The following POLN variants were observed in gnomAD, a reference collection of about 807,000 sequenced individuals.
The protein encoded by POLN is DNA polymerase nu.
In POLN, 108 loss-of-function variants were observed where a neutral mutation model predicts 113.5. The ratio of observed to expected loss-of-function variants is 0.95; its 90% CI spans 0.81 to 1.12. POLN has a LOEUF of 1.12. Among genes scored for constraint, POLN ranks in the 50% most tolerant of loss-of-function variants. The pLI, the probability that POLN is intolerant of heterozygous loss-of-function variation, is 0.00. For synonymous variants in POLN, 386 were observed against 391.5 expected (o/e 0.99, Z 0.17); for missense variants, 1,097 against 1,077.1 (o/e 1.02, Z -0.26).
At chr4:2,123,230 T>G (rs1054569869) in intron 19 of POLN, among the ~76,000 whole-genome samples, 5 of 152,316 alleles carry the variant, frequency 3.3e-5, no homozygotes, top group Middle Eastern at 3.4e-3. Flanking sequence ...GGTTCACACC[T>G]GTAATCTCAG....
chr4:2,101,861 T>C (rs1730934672), intron 19 of POLN, among the ~76,000 whole-genome samples: 1 of 152,174 alleles, frequency 6.6e-6, no homozygotes, highest in African/African-American at 2.4e-5. Context: ...CGAGAGTAGC[T>C]GTGGAGGCTT....
intron 1 of POLN, 91 bp downstream of exon 1, chr4:2,241,960 A>G: frequency 1.0e-6 from 1 of 985,230 alleles, no homozygotes; most frequent in Non-Finnish European, 1.2e-6. Flanking sequence ...GAGCGCAGGA[A>G]AAAAAAGAGG....
At chr4:2,122,608 G>A (rs1731471254) in intron 19 of POLN, among the ~76,000 whole-genome samples, 3 of 152,156 alleles carry the variant, frequency 2.0e-5, no homozygotes, top group African/African-American at 7.2e-5. Flanking sequence ...AGAATGCAGA[G>A]AAACTTGAAC....
intron 18 of POLN, among the ~76,000 whole-genome samples, chr4:2,128,503 C>T (rs894430576): frequency 6.6e-6 from 1 of 152,098 alleles, no homozygotes; most frequent in Non-Finnish European, 1.5e-5. Context: ...TTATAGGCCC[C>T]ATCAACAAAG....
At chr4:2,207,273 A>C (rs1733869099) in intron 5 of POLN, among the ~76,000 whole-genome samples, 1 of 152,098 alleles carries the variant, frequency 6.6e-6, no homozygotes, top group East Asian at 1.9e-4. Flanking sequence ...GGGGTGAGGG[A>C]TAAAATACTA....
chr4:2,228,961 A>C (rs1022350722), intron 3 of POLN, 138 bp downstream of exon 3: 7 of 733,988 alleles, frequency 9.5e-6, no homozygotes, highest in Non-Finnish European at 1.5e-5. Flanking sequence ...GCAGAAGCTC[A>C]GTCTGCACTG....
At chr4:2,148,790 T>C (rs761204948) in intron 16 of POLN, among the ~76,000 whole-genome samples, 1 of 152,012 alleles carries the variant, frequency 6.6e-6, no homozygotes, top group African/African-American at 2.4e-5. Flanking sequence ...TGATACTATA[T>C]CATAATCAAA....
chr4:2,128,259 T>A, intron 18 of POLN, 32 bp from the exon 19 acceptor site: 1 of 1,443,196 alleles, frequency 6.9e-7, no homozygotes. Flanking sequence ...TAATTTAGAG[T>A]TTGCCAGCAA....
chr4:2,081,116 G>A (rs757513145), intron 22 of POLN, 80 bp from the exon 23 acceptor site: 7 of 1,608,104 alleles, frequency 4.4e-6, no homozygotes, highest in South Asian at 1.1e-5. Context: ...CATCGCCACA[G>A]CTCTCACGGT....
intron 2 of POLN, chr4:2,236,336 T>C (rs1483013227): frequency 6.2e-7 from 1 of 1,613,044 alleles, no homozygotes; most frequent in Non-Finnish European, 8.5e-7. Flanking sequence ...GAGCAGATAC[T>C]GCCAACTGAT....
intron 13 of POLN, among the ~76,000 whole-genome samples, chr4:2,165,082 G>A (rs1376611811): frequency 1.3e-5 from 2 of 152,126 alleles, no homozygotes; most frequent in African/African-American, 2.4e-5. Flanking sequence ...TTTGGTGCTT[G>A]CCCAGATAAG....
chr4:2,151,970 T>G (rs1440641129), intron 16 of POLN, among the ~76,000 whole-genome samples: 2 of 152,060 alleles, frequency 1.3e-5, no homozygotes, highest in Non-Finnish European at 2.9e-5. Flanking sequence ...TGTGAGAAAA[T>G]TAGCTTTCTG....
chr4:2,236,158 TTTTC>T (rs1734756075), intron 2 of POLN: 6 of 886,248 alleles, frequency 6.8e-6, no homozygotes, highest in South Asian at 6.5e-5. Flanking sequence ...CATGTTAACA[TTTTC>T]TTTAATATCT....
At chr4:2,168,814 C>T (rs551140507) in intron 13 of POLN, among the ~76,000 whole-genome samples, 5 of 152,192 alleles carry the variant, frequency 3.3e-5, no homozygotes, top group Admixed American at 3.3e-4. Context: ...CAGTGCTCCA[C>T]GAACACACCA....
At chr4:2,077,423 T>G (rs555083710) in intron 23 of POLN, among the ~76,000 whole-genome samples, 3 of 152,262 alleles carry the variant, frequency 2.0e-5, no homozygotes, top group Admixed American at 2.0e-4. Flanking sequence ...ACACTGGTGC[T>G]CACACCCTCG....
chr4:2,206,476 A>G (rs1171931334), intron 5 of POLN, among the ~76,000 whole-genome samples: 1 of 152,234 alleles, frequency 6.6e-6, no homozygotes, highest in East Asian at 1.9e-4. Context: ...ACAGGGTGGG[A>G]GAAAATTTTC....
intron 20 of POLN, among the ~76,000 whole-genome samples, chr4:2,086,597 C>T (rs1388088142): frequency 6.6e-6 from 1 of 152,176 alleles, no homozygotes; most frequent in East Asian, 1.9e-4. Flanking sequence ...TCATTCCCTC[C>T]CATTTTCCTC....
intron 16 of POLN, among the ~76,000 whole-genome samples, chr4:2,137,660 G>A (rs1394108481): frequency 6.6e-6 from 1 of 151,954 alleles, no homozygotes; most frequent in East Asian, 1.9e-4. Flanking sequence ...CTGCTCAGCT[G>A]CCCCCTCCCC....
intron 1 of POLN, 92 bp from the exon 2 acceptor site, chr4:2,241,882 G>A: frequency 1.0e-6 from 1 of 985,454 alleles, no homozygotes; most frequent in Non-Finnish European, 1.2e-6. Context: ...CCCCGCCCCA[G>A]CTCCTCGCCC....
Sources: allele counts gnomAD v4.1 joint callset (sites outside exome capture counted in the v4.1 genomes callset), GRCh38; gene constraint gnomAD v4.1.1; transcripts MANE v1.5; gene names NCBI Gene and HGNC (gene_info 2026-07-23, HGNC 2026-07-21).